NAGPA: variants seen among roughly 807,000 people sequenced by gnomAD.
NAGPA encodes the protein alpha-N-acetylglucosaminyl phosphodiesterase.
Under a neutral mutation model 48.5 loss-of-function variants are expected in NAGPA, and 56 were observed. The ratio of observed to expected loss-of-function variants is 1.15; its 90% CI spans 0.93 to 1.44. The LOEUF (loss-of-function observed/expected upper bound fraction) is 1.44, where lower values mean the gene tolerates loss of function less well. Ranked by LOEUF, NAGPA falls within the 40% of genes most tolerant of loss-of-function variation. NAGPA has a pLI of 0.00. For synonymous variants in NAGPA, 399 were observed against 315.5 expected (o/e 1.26, Z -2.81); for missense variants, 888 against 735.0 (o/e 1.21, Z -2.41).
chr16:5,028,623 C>T, intron 5 of NAGPA: 1 of 587,278 alleles, frequency 1.7e-6, no homozygotes. Flanking sequence ...CCGGAAGGCT[C>T]TCCCACCCCC....
At chr16:5,028,288 C>A in intron 5 of NAGPA, 103 bp from the exon 6 acceptor site, 1 of 1,535,850 alleles carries the variant, frequency 6.5e-7, no homozygotes, top group Non-Finnish European at 8.8e-7. Context: ...CACCTGTCTA[C>A]CTACCTACCT....
intron 5 of NAGPA, chr16:5,028,408 T>A (rs544904935): frequency 2.2e-6 from 2 of 911,382 alleles, no homozygotes; most frequent in South Asian, 2.8e-5. Context: ...CCTAATTTTT[T>A]TTTATTTTTT....
chr16:5,030,311 TG>T, intron 4 of NAGPA, 73 bp downstream of exon 4: 1 of 1,343,558 alleles, frequency 7.4e-7, no homozygotes, highest in Non-Finnish European at 1.0e-6. Context: ...AGTCAGAGGG[TG>T]GCTGTCATTG....
chr16:5,027,627 G>A (rs766644496), intron 7 of NAGPA, among the ~76,000 whole-genome samples: 7 of 152,202 alleles, frequency 4.6e-5, no homozygotes, highest in Non-Finnish European at 1.0e-4. Flanking sequence ...GTGGGCCCTG[G>A]AGCCAGAGCC....
intron 4 of NAGPA, 63 bp downstream of exon 4, chr16:5,030,322 G>A (rs1366037146): frequency 5.6e-6 from 8 of 1,433,420 alleles, no homozygotes; most frequent in Non-Finnish European, 6.7e-6. Context: ...GGCTGTCATT[G>A]GGTCAACGTT....
chr16:5,027,759 G>A lies in NAGPA; in HGVS notation c.1174+87C>T, dbSNP rs1956027736. 5.2e-6 allele frequency: 8 copies of A among 1,527,000 alleles called. No homozygotes were observed. The East Asian group carries it at 2.0e-4, about 37-fold the overall frequency. The allele number at this position is 1,527,000 out of a possible 1,614,324, so 94.6% of individuals were successfully genotyped here. A position where few individuals can be genotyped will look rare whatever the true frequency, so the allele number is the denominator to read the frequency against. On this transcript the variant is annotated intron_variant, in intron 7 of 9. Transcript: ENST00000312251. ...CAAGAGGCAAGCATTTCCCAGACCA[G>A]AAGGTGGAGACAGAAGCAGCAGAGG...
At chr16:5,027,103 G>T in intron 9 of NAGPA, 32 bp downstream of exon 9, 1 of 1,612,742 alleles carries the variant, frequency 6.2e-7, no homozygotes, top group Non-Finnish European at 8.5e-7. Context: ...GATTCCTCCC[G>T]CCCTGGCCCC....
chr16:5,028,692 T>C (rs1956047772), intron 5 of NAGPA, 188 bp downstream of exon 5: 2 of 863,186 alleles, frequency 2.3e-6, no homozygotes, highest in African/African-American at 1.6e-5. Context: ...AGGGAGGTCT[T>C]TGCTGACCAA....
At chr16:5,030,655 C>T in intron 3 of NAGPA, 162 bp from the exon 4 acceptor site, 1 of 695,700 alleles carries the variant, frequency 1.4e-6, no homozygotes, top group Non-Finnish European at 2.6e-6. Context: ...CCAGTCTCCC[C>T]AGGGCAGCCG....
Position 5,025,493 on chromosome 16 carries a change from G to A in NAGPA, c.1533C>T (p.Asn511=), listed in dbSNP as rs112032998. The A allele has an allele frequency of 2.3e-4, 367 of 1,612,248 alleles. 1 individual carries two copies. In the African/African-American group the frequency reaches 4.0e-3, roughly 17 times the overall value. Residue 511 remains asparagine (N), a synonymous_variant, in exon 10 of 10, where the codon AAC becomes AAT. Coordinates refer to ENST00000312251, the MANE Select transcript of NAGPA (RefSeq NM_016256.4). The stretch of plus-strand genomic sequence containing the variant: ...GCTTGAGGCTTCAGTCCTTGAAGGG[G>A]TTGTGGGCGCCCCCTGGCTGCTCCT... ...AEKEQPGGAH[N]PFKD
Position 5,027,128 on chromosome 16 carries a change from C to A in NAGPA, c.1340+7G>T, listed in dbSNP as rs192133862. ...GCCCTGGCCCCAGCTCCCACAGAAG[C>A]ACCTACCTGGTGAAAAAGGAGAGTT... On this transcript the variant is annotated splice_region_variant and intron_variant, in intron 9 of 9. Transcript: ENST00000312251. 2.4e-5 allele frequency: 39 copies of A among 1,614,132 alleles called. No individual in the cohort carries two copies. In the East Asian group the frequency reaches 8.5e-4, roughly 35 times the overall value.
At position 5,032,221 on chromosome 16, in the gene NAGPA, T is replaced by C. The variant is rs147894158; in HGVS notation, c.543-337A>G. On this transcript the variant is annotated intron_variant, in intron 2 of 9. Transcript: ENST00000312251. ...CAGCCCAACTACCACTTGATCCCTG[T>C]TACGGCCCTTCATTGGCTTCCTTGT... Among the ~76,000 whole-genome samples the C allele has an allele frequency of 7.0e-4, 107 of 152,320 alleles. 1 individual carries two copies. The East Asian group carries it at 0.018, about 26-fold the overall frequency.
chr16:5,030,190 G>T, intron 4 of NAGPA, 195 bp downstream of exon 4: 1 of 627,716 alleles, frequency 1.6e-6, no homozygotes, highest in Non-Finnish European at 2.8e-6. Context: ...TAAAGCTGAA[G>T]ATGATGAGTT....
intron 8 of NAGPA, 37 bp from the exon 9 acceptor site, chr16:5,027,235 C>A (rs1006644968): frequency 6.2e-7 from 1 of 1,614,182 alleles, no homozygotes; most frequent in Non-Finnish European, 8.5e-7. Flanking sequence ...GGGGCCGGAG[C>A]AGGAGCGTCT....
In NAGPA at chr16:5,028,168, C is replaced by A. The variant is rs969769612; in HGVS notation, c.938G>T (p.Arg313Leu). Residue 313 changes from arginine to leucine, a missense_variant, in exon 6 of 10, where the codon CGC (arginine) becomes CTC (leucine). Transcript: ENST00000312251. ...PSDHCQDNMW[R>L]CPRQVSTVVC... ...CACGGTGGACACTTGGCGGGGACAG[C>A]GCCACATGTTGTCCTGGCTGTAGAG... is the stretch of plus-strand genomic sequence containing the variant. 1.9e-6 allele frequency: 3 copies of A among 1,567,982 alleles called. No homozygotes were observed. The highest frequency in any genetic ancestry group is 4.8e-5 in the East Asian group (2 of 42,018).
rs767578149 is a variant in NAGPA, at chr16:5,027,209, C to G, written c.1277-11G>C. The G allele has an allele frequency of 2.5e-6, 4 of 1,614,230 alleles. No homozygotes were observed. The South Asian group carries it at 4.4e-5, about 18-fold the overall frequency. On this transcript the variant is annotated splice_polypyrimidine_tract_variant and intron_variant, in intron 8 of 9. Transcript: ENST00000312251. ...GGAGACACTGCTTTACTGTAACATA[C>G]CAGAGACAGGCTGAAGGGGCCGGAG...
Position 5,031,894 on chromosome 16 carries a change from G to T in NAGPA, c.543-10C>A. The T allele has an allele frequency of 1.2e-6, 2 of 1,614,098 alleles. No homozygotes were observed. On this transcript the variant is annotated splice_polypyrimidine_tract_variant and intron_variant, in intron 2 of 9. Transcript: ENST00000312251. ...CTCCTCAGACAGGTACCTGGATCCG[G>T]GGAAGGTGGGAAGCTCACTCACCAG...
At chr16:5,031,401 A>C (rs1956094071) in intron 3 of NAGPA, 1 of 346,062 alleles carries the variant, frequency 2.9e-6, no homozygotes. Flanking sequence ...TGGGGCTTTG[A>C]AACAAGCTCC....
chr16:5,032,030 A>G lies in NAGPA; in HGVS notation c.543-146T>C, dbSNP rs1481606322. On this transcript the variant is annotated intron_variant, in intron 2 of 9. Transcript: ENST00000312251. ...CTGGGGCCTGAGTGTAGCTGGGACA[A>G]CTTAACAGCCCTAGGAATCTCCCTG... 3 of 1,028,182 alleles carry G rather than the reference A, an allele frequency of 2.9e-6. No homozygotes were observed. In the South Asian group the frequency reaches 4.3e-5, roughly 15 times the overall value. 63.7% of individuals were successfully genotyped at this position (1,028,182 alleles called of 1,614,324 possible).
Sources: gnomAD v4.1 joint callset for allele counts (sites outside exome capture counted in the v4.1 genomes callset) on GRCh38, gnomAD v4.1.1 for gene constraint, MANE v1.5 for transcripts, NCBI Gene and HGNC (gene_info 2026-07-23, HGNC 2026-07-21) for gene names.